Variants in GALNT13 observed in about 807,000 individuals in gnomAD.
GALNT13 encodes polypeptide N-acetylgalactosaminyltransferase 13.
Under a neutral mutation model 64.2 loss-of-function variants are expected in GALNT13, and 28 were observed. The ratio of observed to expected loss-of-function variants is 0.44; its 90% CI spans 0.32 to 0.60. The LOEUF (loss-of-function observed/expected upper bound fraction) is 0.60, where lower values mean the gene tolerates loss of function less well. Among genes scored for constraint, GALNT13 ranks in the 20% least tolerant of loss-of-function variants. The pLI, the probability that GALNT13 is intolerant of heterozygous loss-of-function variation, is 0.05. For synonymous variants in GALNT13, 214 were observed against 224.6 expected, an observed-to-expected ratio of 0.95 and a Z score of 0.42; for missense variants, 577 against 669.8, an observed-to-expected ratio of 0.86 and a Z score of 1.53.
chr2:154,007,365 G>A (rs1027849827), intron 3 of GALNT13, among the ~76,000 whole-genome samples: 3 of 151,998 alleles, frequency 2.0e-5, no homozygotes, highest in African/African-American at 4.8e-5. Flanking sequence ...GGTTTTGTGA[G>A]CCCCTGAGCT....
At chr2:154,351,381 A>C (rs1696389062) in intron 9 of GALNT13, among the ~76,000 whole-genome samples, 1 of 152,016 alleles carries the variant, frequency 6.6e-6, no homozygotes, top group Non-Finnish European at 1.5e-5. Context: ...TTGAAAAAAA[A>C]ATGCAATAGA....
the GALNT13 span, among the ~76,000 whole-genome samples, chr2:153,345,628 CCTTT>C: frequency 9.2e-6 from 1 of 109,040 alleles, no homozygotes; most frequent in African/African-American, 3.0e-5. Flanking sequence ...CTTTTCTTTT[CCTTT>C]CTTTTTCTTT....
the GALNT13 span, among the ~76,000 whole-genome samples, chr2:153,767,509 C>A: frequency 6.6e-6 from 1 of 152,150 alleles, no homozygotes. Context: ...ATTTTTAGTT[C>A]TACAAAAAAT....
chr2:154,233,230 G>T (rs1368618503), intron 4 of GALNT13, among the ~76,000 whole-genome samples: 1 of 152,074 alleles, frequency 6.6e-6, no homozygotes, highest in Non-Finnish European at 1.5e-5. Context: ...GAGAGGCCAA[G>T]GTGGATATTT....
chr2:153,737,644 G>A, the GALNT13 span, among the ~76,000 whole-genome samples: 269 of 151,796 alleles, frequency 1.8e-3, no homozygotes, highest in South Asian at 9.0e-3. Context: ...CTCCTTCATC[G>A]TCTCGTAGTT....
chr2:154,384,655 C>T (rs1031417516), intron 9 of GALNT13, among the ~76,000 whole-genome samples: 1 of 151,810 alleles, frequency 6.6e-6, no homozygotes, highest in Non-Finnish European at 1.5e-5. Context: ...ATTGATCAAG[C>T]AGCTTTATAT....
At chr2:153,828,458 C>T in the GALNT13 span, among the ~76,000 whole-genome samples, 4 of 152,198 alleles carry the variant, frequency 2.6e-5, no homozygotes, top group East Asian at 1.9e-4. Flanking sequence ...AAAGCTGCCA[C>T]GGCTTGGGGC....
At chr2:154,227,882 C>G (rs1205320540) in intron 4 of GALNT13, among the ~76,000 whole-genome samples, 2 of 151,908 alleles carry the variant, frequency 1.3e-5, no homozygotes, top group East Asian at 3.9e-4. Flanking sequence ...TTGCATGGCT[C>G]TAGTATATTG....
chr2:154,238,005 A>G (rs1185096857), intron 4 of GALNT13, among the ~76,000 whole-genome samples: 1 of 151,958 alleles, frequency 6.6e-6, no homozygotes, highest in Non-Finnish European at 1.5e-5. Flanking sequence ...CTTTTTTCTT[A>G]TCATGTCAGC....
chr2:153,718,011 G>C, the GALNT13 span, among the ~76,000 whole-genome samples: 1 of 151,696 alleles, frequency 6.6e-6, no homozygotes, highest in Non-Finnish European at 1.5e-5. Context: ...CTCTCCTTTG[G>C]TGTTGCTCTG....
At chr2:153,340,594 G>T in the GALNT13 span, among the ~76,000 whole-genome samples, 1 of 151,388 alleles carries the variant, frequency 6.6e-6, no homozygotes, top group Admixed American at 6.6e-5. Context: ...GGCAGAGATT[G>T]CAGTGAGCCG....
chr2:153,110,039 A>T, the GALNT13 span, among the ~76,000 whole-genome samples: 2 of 152,160 alleles, frequency 1.3e-5, no homozygotes, highest in East Asian at 1.9e-4. Flanking sequence ...AAGACAACTC[A>T]TAAAAATTCA....
rs72999342 is a variant in GALNT13, at chr2:154,348,731, C to T, written c.1156+47142C>T. ...CATTTTATACTAGATGGTAGGAAAA[C>T]CTTCACAAAGCCCTCTTTGTCACTG... On this transcript the variant is annotated intron_variant, in intron 9 of 12. Coordinates refer to ENST00000392825, the MANE Select transcript of GALNT13 (RefSeq NM_052917.4). Among the ~76,000 whole-genome samples the T allele has an allele frequency of 6.2e-3, 939 of 151,900 alleles. 13 individuals are homozygous for T. The highest frequency in any genetic ancestry group is 0.021 in the African/African-American group (883 of 41,416).
intron 9 of GALNT13, among the ~76,000 whole-genome samples, chr2:154,358,788 C>T (rs995780040): frequency 7.9e-5 from 12 of 152,066 alleles, no homozygotes; most frequent in African/African-American, 2.2e-4. Flanking sequence ...ATACTTGCCA[C>T]GTACAGTCTC....
the GALNT13 span, among the ~76,000 whole-genome samples, chr2:153,628,814 T>G: frequency 0.2 from 30,459 of 151,966 alleles, 3,278 homozygotes; most frequent in African/African-American, 0.27. Flanking sequence ...TCTCTTTTTT[T>G]GTTGTGTCTC....
At chr2:153,191,939 C>CT in the GALNT13 span, among the ~76,000 whole-genome samples, 8 of 151,682 alleles carry the variant, frequency 5.3e-5, no homozygotes, top group African/African-American at 1.2e-4. Context: ...TGGGTTTTCT[C>CT]TTTTTTTACT....
At chr2:154,034,179 A>G (rs1020855384) in intron 3 of GALNT13, among the ~76,000 whole-genome samples, 4 of 152,204 alleles carry the variant, frequency 2.6e-5, no homozygotes, top group Admixed American at 2.6e-4. Context: ...TAAATATTAT[A>G]GCAGCTTTAT....
intron 9 of GALNT13, among the ~76,000 whole-genome samples, chr2:154,316,830 A>G (rs1002867926): frequency 1.3e-5 from 2 of 152,200 alleles, no homozygotes; most frequent in African/African-American, 4.8e-5. Flanking sequence ...TTAATTTTCC[A>G]ACACATGAAA....
At chr2:153,893,007 T>C (rs1023803501) in intron 1 of GALNT13, among the ~76,000 whole-genome samples, 7 of 152,124 alleles carry the variant, frequency 4.6e-5, no homozygotes, top group African/African-American at 1.7e-4. Context: ...TTGATGTTGG[T>C]AGTCTGCTAA....
Sources: allele counts gnomAD v4.1 joint callset (sites outside exome capture counted in the v4.1 genomes callset), GRCh38; gene constraint gnomAD v4.1.1; transcripts MANE v1.5; gene names NCBI Gene and HGNC (gene_info 2026-07-23, HGNC 2026-07-21).